Variants in DEPTOR observed in about 807,000 individuals in gnomAD.
DEPTOR encodes DEP domain-containing mTOR-interacting protein.
DEPTOR carries 41 observed loss-of-function variants against 41.6 expected under a neutral mutation model. That is an observed-to-expected ratio of 0.98 (90% CI 0.77 to 1.28). The LOEUF (loss-of-function observed/expected upper bound fraction) is 1.28, where lower values mean the gene tolerates loss of function less well. Ranked by LOEUF, DEPTOR falls within the 50% of genes most tolerant of loss-of-function variation. The probability of loss-of-function intolerance (pLI) is 0.00; values close to 1 mark genes in which losing one functional copy is unlikely to be tolerated. For missense variants in DEPTOR, 514 were observed against 527.9 expected, an observed-to-expected ratio of 0.97 and a Z score of 0.26; for synonymous variants, 195 against 192.3, an observed-to-expected ratio of 1.01 and a Z score of -0.12.
rs532511626 is a variant in DEPTOR, at chr8:119,964,965, C to T, written c.426-267C>T. On this transcript the variant is annotated intron_variant, in intron 3 of 8. Coordinates refer to ENST00000286234, the MANE Select transcript of DEPTOR (RefSeq NM_022783.4). The stretch of plus-strand genomic sequence containing the variant: ...ACACATGCCTGTAATCCCAGCTATT[C>T]GGGAGATCAAGGTAGAAGAATTGCT... Among the ~76,000 whole-genome samples, 5 of 152,010 alleles carry T rather than the reference C, an allele frequency of 3.3e-5. No homozygotes were observed. In the East Asian group the frequency reaches 7.8e-4, roughly 24 times the overall value.
intron 3 of DEPTOR, among the ~76,000 whole-genome samples, chr8:119,934,469 G>C (rs1828084621): frequency 6.6e-6 from 1 of 152,136 alleles, no homozygotes; most frequent in South Asian, 2.1e-4. Flanking sequence ...ACACAGCCTG[G>C]GTCTTCCATC....
At chr8:119,993,433 A>G (rs1346530022) in intron 4 of DEPTOR, among the ~76,000 whole-genome samples, 2 of 152,228 alleles carry the variant, frequency 1.3e-5, no homozygotes, top group African/African-American at 2.4e-5. Context: ...AGCAAAAGGG[A>G]AGGCTTGGAA....
rs1439679377 is a variant in DEPTOR, at chr8:120,050,753, C to G, written c.*1049C>G. On this transcript the variant is annotated 3_prime_UTR_variant, in exon 9 of 9. Coordinates refer to ENST00000286234, the MANE Select transcript of DEPTOR (RefSeq NM_022783.4). ...ATATACGCACGTTTTCATTTTTGGT[C>G]TAGAAAATAGTGCATTTTGGGGCTC... The G allele has an allele frequency of 1.3e-5, 2 of 151,974 alleles. No individual in the cohort carries two copies. Among genetic ancestry groups the G allele is most frequent in the African/African-American group, 2.4e-5 (1 of 41,402 alleles). The allele number at this position is 151,974 out of a possible 1,614,324, so 9.4% of individuals were successfully genotyped here.
At chr8:119,918,345 G>A (rs1474746558) in intron 1 of DEPTOR, among the ~76,000 whole-genome samples, 3 of 152,176 alleles carry the variant, frequency 2.0e-5, no homozygotes, top group Non-Finnish European at 2.9e-5. Flanking sequence ...TTAACTTGAC[G>A]TGAGTCCTGG....
At chr8:120,027,442 C>T (rs1812815390) in intron 8 of DEPTOR, among the ~76,000 whole-genome samples, 1 of 151,792 alleles carries the variant, frequency 6.6e-6, no homozygotes, top group Admixed American at 6.6e-5. Context: ...CAGTGGTTCA[C>T]ACCTGTAATC....
At chr8:120,043,369 T>C (rs531475812) in intron 8 of DEPTOR, among the ~76,000 whole-genome samples, 1 of 152,316 alleles carries the variant, frequency 6.6e-6, no homozygotes, top group Non-Finnish European at 1.5e-5. Context: ...AGGAAAAAGT[T>C]TGAAATAAGT....
At chr8:119,965,057 G>C (rs1828539403) in intron 3 of DEPTOR, among the ~76,000 whole-genome samples, 175 bp from the exon 4 acceptor site, 1 of 152,118 alleles carries the variant, frequency 6.6e-6, no homozygotes, top group African/African-American at 2.4e-5. Flanking sequence ...TGGGCAACAA[G>C]AGCGAAAATC....
At chr8:120,002,791 A>AAAATATATATATATATATATATAT in intron 5 of DEPTOR, among the ~76,000 whole-genome samples, 186 bp from the exon 6 acceptor site, 100 of 60,604 alleles carry the variant, frequency 1.7e-3, no homozygotes, top group Non-Finnish European at 2.4e-3. Context: ...AAAAAAAAAA[A>AAAATATATATATATATATATATAT]ATATATATAT....
At chr8:119,993,102 T>G (rs1458497042) in intron 4 of DEPTOR, among the ~76,000 whole-genome samples, 2 of 152,186 alleles carry the variant, frequency 1.3e-5, no homozygotes, top group Non-Finnish European at 2.9e-5. Context: ...TCTGCTAAAA[T>G]CATCCTAATA....
At chr8:120,008,527 C>CA (rs35570467) in intron 7 of DEPTOR, among the ~76,000 whole-genome samples, 32,313 of 99,462 alleles carry the variant, frequency 0.32, 5,425 homozygotes, top group South Asian at 0.49. Context: ...GACTCTGTCT[C>CA]AAAAAAAAAA....
intron 8 of DEPTOR, among the ~76,000 whole-genome samples, chr8:120,028,838 AT>A (rs1452755244): frequency 2.0e-5 from 3 of 150,706 alleles, no homozygotes; most frequent in Non-Finnish European, 4.4e-5. Context: ...TAATCCCAGC[AT>A]TTTGGGAGGC....
chr8:120,002,861 A>T (rs1485796978), intron 5 of DEPTOR, 116 bp from the exon 6 acceptor site: 1 of 1,183,660 alleles, frequency 8.4e-7, no homozygotes. Context: ...TTTTTCTGCC[A>T]CTAAGACCAG....
intron 4 of DEPTOR, among the ~76,000 whole-genome samples, chr8:119,985,242 G>A (rs550366006): frequency 6.6e-6 from 1 of 152,142 alleles, no homozygotes; most frequent in South Asian, 2.1e-4. Context: ...TTTAATGATC[G>A]CCATTCTAAC....
intron 1 of DEPTOR, among the ~76,000 whole-genome samples, chr8:119,903,897 GA>G (rs1827626418): frequency 6.6e-6 from 1 of 152,076 alleles, no homozygotes; most frequent in Non-Finnish European, 1.5e-5. Context: ...ATTCAAGATT[GA>G]AACTGGGCAG....
chr8:119,876,711 A>G (rs1827235710), intron 1 of DEPTOR, among the ~76,000 whole-genome samples: 1 of 151,988 alleles, frequency 6.6e-6, no homozygotes, highest in Non-Finnish European at 1.5e-5. Flanking sequence ...GGATTAGATG[A>G]GTTGCGCTTA....
intron 1 of DEPTOR, among the ~76,000 whole-genome samples, chr8:119,927,930 A>C (rs986008900): frequency 2.6e-5 from 4 of 152,120 alleles, no homozygotes; most frequent in Non-Finnish European, 4.4e-5. Context: ...GCCTAGAAGT[A>C]CCTAACAGGC....
Position 119,921,748 on chromosome 8 carries a change from G to GTTTT in DEPTOR, c.123-6644_123-6641dup, listed in dbSNP as rs1282897659. Among the ~76,000 whole-genome samples the GTTTT allele has an allele frequency of 3.9e-3, 509 of 131,026 alleles. 44 individuals carry two copies. Among genetic ancestry groups the GTTTT allele is most frequent in the South Asian group, 6.2e-3 (23 of 3,722 alleles). The allele number at this position is 131,026 out of a possible 152,430, so 86.0% of individuals were successfully genotyped here. The stretch of plus-strand genomic sequence containing the variant: ...GGTAACTGAAAGGTTCTATTCTGTA[G>GTTTT]TTTTTTTTTTTGTTTGTTTGTTTGT... On this transcript the variant is annotated intron_variant, in intron 1 of 8. Transcript: ENST00000286234.
chr8:119,971,715 G>A (rs1401607187), intron 4 of DEPTOR, among the ~76,000 whole-genome samples: 3 of 152,164 alleles, frequency 2.0e-5, no homozygotes, highest in Non-Finnish European at 4.4e-5. Context: ...CGGAGACATC[G>A]TAGATTTTTC....
chr8:119,974,262 AAG>A (rs1232430147), intron 4 of DEPTOR, among the ~76,000 whole-genome samples: 1 of 146,220 alleles, frequency 6.8e-6, no homozygotes, highest in Admixed American at 6.9e-5. Context: ...AAAAAAAAAA[AAG>A]AGAAAGAAGG....
Sources: gnomAD v4.1 joint callset for allele counts (sites outside exome capture counted in the v4.1 genomes callset) on GRCh38, gnomAD v4.1.1 for gene constraint, MANE v1.5 for transcripts, NCBI Gene and HGNC (gene_info 2026-07-23, HGNC 2026-07-21) for gene names.